Variants in DNMBP observed in about 807,000 individuals in gnomAD.
DNMBP encodes dynamin-binding protein.
Under a neutral mutation model 150.0 loss-of-function variants are expected in DNMBP, and 87 were observed. The ratio of observed to expected loss-of-function variants is 0.58; its 90% confidence interval spans 0.49 to 0.69. The LOEUF (loss-of-function observed/expected upper bound fraction) is 0.69, where lower values mean the gene tolerates loss of function less well. DNMBP is among the 30% of genes least tolerant of loss of function. DNMBP has a pLI of 0.00. For missense variants in DNMBP, 1,774 were observed against 1,949.0 expected, an observed-to-expected ratio of 0.91 and a Z score of 1.69; for synonymous variants, 711 against 750.4, an observed-to-expected ratio of 0.95 and a Z score of 0.86.
At chr10:99,910,869 A>G (rs949947649) in intron 4 of DNMBP, among the ~76,000 whole-genome samples, 1 of 152,174 alleles carries the variant, frequency 6.6e-6, no homozygotes, top group Admixed American at 6.5e-5. Context: ...ACATAAATAA[A>G]TGGGGGAGAA....
chr10:99,972,906 C>A (rs766364644), intron 1 of DNMBP, among the ~76,000 whole-genome samples: 1 of 152,198 alleles, frequency 6.6e-6, no homozygotes. Context: ...CTCAGCCTCC[C>A]AAGTAGGTAG....
rs761567960 is a variant in DNMBP at position 99,957,078 on chromosome 10, C to T, written c.396G>A (p.Gln132=). ...GAAACAGGGCGCTCTGGGAGTGCCA[C>T]TGCCGGCTCTGTGAGGAGAGGCAGA... ...RELCLSSQSR[Q]WHSQSALFQI... is the part of the protein sequence containing the mutation. The change falls in exon 4 of 17, where the codon CAG becomes CAA. Residue 132 remains glutamine, a synonymous_variant. Transcript: ENST00000324109. 1 of 1,614,186 alleles carries T rather than the reference C, an allele frequency of 6.2e-7. No homozygotes were observed. The highest frequency in any genetic ancestry group is 1.1e-5 in the South Asian group (1 of 91,088).
At chr10:99,903,921 A>ATT (rs72240738) in intron 6 of DNMBP, among the ~76,000 whole-genome samples, 4 of 144,482 alleles carry the variant, frequency 2.8e-5, no homozygotes, top group Non-Finnish European at 4.6e-5. Flanking sequence ...AATAGAATGG[A>ATT]TTTTTTTTTT....
intron 1 of DNMBP, among the ~76,000 whole-genome samples, chr10:99,978,434 C>A (rs138602276): frequency 6.6e-6 from 1 of 152,000 alleles, no homozygotes; most frequent in Non-Finnish European, 1.5e-5. Flanking sequence ...TCCCTTTATT[C>A]GTTTATCAAT....
intron 1 of DNMBP, among the ~76,000 whole-genome samples, chr10:100,000,468 C>A (rs1014103908): frequency 1.3e-5 from 2 of 152,088 alleles, no homozygotes; most frequent in Non-Finnish European, 2.9e-5. Flanking sequence ...ATGCTACTTT[C>A]GGGAAAATGC....
intron 1 of DNMBP, among the ~76,000 whole-genome samples, chr10:100,009,321 C>T (rs967824554): frequency 6.6e-6 from 1 of 152,232 alleles, no homozygotes; most frequent in Non-Finnish European, 1.5e-5. Context: ...CGGGTTTCTG[C>T]AAAACTCCAC....
At chr10:99,892,519 C>G (rs1402744713) in intron 11 of DNMBP, among the ~76,000 whole-genome samples, 1 of 126,234 alleles carries the variant, frequency 7.9e-6, no homozygotes, top group Admixed American at 8.5e-5. Flanking sequence ...GGATTAAGGG[C>G]GGTGCAAGAT....
At chr10:99,924,682 A>G (rs2040058781) in intron 4 of DNMBP, among the ~76,000 whole-genome samples, 1 of 152,238 alleles carries the variant, frequency 6.6e-6, no homozygotes, top group African/African-American at 2.4e-5. Flanking sequence ...GACTGCAATT[A>G]AAGGAGATAT....
intron 1 of DNMBP, among the ~76,000 whole-genome samples, chr10:100,005,044 A>G (rs570707340): frequency 1.2e-4 from 19 of 152,352 alleles, no homozygotes; most frequent in African/African-American, 4.3e-4. Flanking sequence ...ATATAAATTA[A>G]AACGACAAGA....
intron 11 of DNMBP, 152 bp downstream of exon 11, chr10:99,894,794 A>G (rs1243719188): frequency 6.7e-6 from 4 of 596,454 alleles, no homozygotes; most frequent in Non-Finnish European, 1.2e-5. Flanking sequence ...CTGTTAAATA[A>G]CCTACTGGCA....
chr10:99,887,306 T>C (rs1288702223), intron 12 of DNMBP, among the ~76,000 whole-genome samples: 1 of 152,108 alleles, frequency 6.6e-6, no homozygotes, highest in Non-Finnish European at 1.5e-5. Context: ...GAGGCCAAGG[T>C]GGGCAGACCA....
At chr10:99,891,888 G>A (rs1375502998) in intron 11 of DNMBP, among the ~76,000 whole-genome samples, 7 of 147,336 alleles carry the variant, frequency 4.8e-5, no homozygotes, top group African/African-American at 1.5e-4. Context: ...GGTGAGGAGC[G>A]TCTCTGCCGC....
chr10:99,971,758 C>G (rs767256857), intron 2 of DNMBP, among the ~76,000 whole-genome samples: 4 of 151,970 alleles, frequency 2.6e-5, no homozygotes, highest in Admixed American at 6.6e-5. Context: ...GAACTCCTGA[C>G]TTCAGGGGAT....
intron 4 of DNMBP, chr10:99,930,035 T>C (rs1330024221): frequency 2.8e-6 from 2 of 703,066 alleles, no homozygotes; most frequent in African/African-American, 1.7e-5. Context: ...TGTTGTCATT[T>C]TGATGAACAT....
intron 9 of DNMBP, 104 bp downstream of exon 9, chr10:99,897,982 C>T: frequency 1.1e-6 from 1 of 938,568 alleles, no homozygotes; most frequent in Non-Finnish European, 1.7e-6. Context: ...CCCTATTATA[C>T]CTACCACCTG....
At chr10:99,914,334 TTTG>T (rs1177783966) in intron 4 of DNMBP, among the ~76,000 whole-genome samples, 8 of 152,324 alleles carry the variant, frequency 5.3e-5, no homozygotes, top group East Asian at 3.9e-4. Flanking sequence ...GCTAAGCCTT[TTTG>T]TTGTTGTTTT....
At chr10:99,880,526 G>A (rs917562056) in intron 15 of DNMBP, among the ~76,000 whole-genome samples, 165 bp from the exon 16 acceptor site, 1 of 152,178 alleles carries the variant, frequency 6.6e-6, no homozygotes, top group African/African-American at 2.4e-5. Flanking sequence ...AAAATAAAAT[G>A]CCTAGTGACA....
chr10:99,972,862 C>T (rs1189144993), intron 1 of DNMBP, among the ~76,000 whole-genome samples: 2 of 152,218 alleles, frequency 1.3e-5, no homozygotes, highest in Non-Finnish European at 2.9e-5. Flanking sequence ...GCCACCTCTG[C>T]CTCCTGGCTC....
rs12415350 is a variant in DNMBP, at chr10:99,953,819, A to G, written c.2260+1395T>C. Among the ~76,000 whole-genome samples, 196 of 133,514 alleles carry G rather than the reference A, an allele frequency of 1.5e-3. 4 individuals are homozygous for G. Among genetic ancestry groups the G allele is most frequent in the African/African-American group, 5.3e-3 (182 of 34,020 alleles). The allele number at this position is 133,514 out of a possible 152,430, so 87.6% of individuals were successfully genotyped here. The stretch of plus-strand genomic sequence containing the variant: ...ACAGAGTAAGACTCTGTCTCAAAAA[A>G]AAAAAGAAAAAAAAGAAATCTACTC... On this transcript the variant is annotated intron_variant, in intron 4 of 16. Transcript: ENST00000324109.
Sources: gnomAD v4.1 joint callset for allele counts (sites outside exome capture counted in the v4.1 genomes callset) on GRCh38, gnomAD v4.1.1 for gene constraint, MANE v1.5 for transcripts, NCBI Gene and HGNC (gene_info 2026-07-23, HGNC 2026-07-21) for gene names.